The following HIP1 variants were observed in gnomAD, a reference collection of about 807,000 sequenced individuals.
HIP1 encodes the protein huntingtin interacting protein 1, also known as huntingtin-interacting protein 1.
HIP1 carries 65 observed loss-of-function variants against 147.6 expected under a neutral mutation model. The ratio of observed to expected loss-of-function variants is 0.44; its 90% CI spans 0.36 to 0.54. The LOEUF (loss-of-function observed/expected upper bound fraction) is 0.54, where lower values mean the gene tolerates loss of function less well. Ranked by LOEUF, HIP1 falls within the 20% of genes least tolerant of loss-of-function variation. The probability of loss-of-function intolerance (pLI) is 0.00; values close to 1 mark genes in which losing one functional copy is unlikely to be tolerated. For missense variants in HIP1, 1,061 were observed against 1,299.6 expected, an observed-to-expected ratio of 0.82 and a Z score of 2.82; for synonymous variants, 479 against 504.0, an observed-to-expected ratio of 0.95 and a Z score of 0.67.
At position 75,555,751 on chromosome 7, in the gene HIP1, G is replaced by T. The variant is rs587737259; in HGVS notation, c.1828-200C>A. On this transcript the variant is annotated intron_variant, in intron 18 of 30. Coordinates refer to ENST00000336926, the MANE Select transcript of HIP1 (RefSeq NM_005338.7). Reference sequence around the variant, plus strand: ...CCACGATGTGCGGCTGCCCACAGAGGCTGTGGGGATGGATCACTGCGCCCG... The same window carrying T: ...CCACGATGTGCGGCTGCCCACAGAGTCTGTGGGGATGGATCACTGCGCCCG... Among the ~76,000 whole-genome samples the T allele has an allele frequency of 4.6e-5, 7 of 151,794 alleles. No individual in the cohort carries two copies. In the South Asian group the frequency reaches 1.4e-3, roughly 31 times the overall value.
chr7:75,576,273 A>G (rs1341410704), intron 7 of HIP1, among the ~76,000 whole-genome samples: 1 of 152,190 alleles, frequency 6.6e-6, no homozygotes, highest in Non-Finnish European at 1.5e-5. Flanking sequence ...GGAATTGTGC[A>G]GTGGTTCTTG....
intron 2 of HIP1, among the ~76,000 whole-genome samples, chr7:75,598,527 C>T (rs1796846112): frequency 2.6e-5 from 4 of 151,438 alleles, no homozygotes; most frequent in Admixed American, 2.6e-4. Context: ...AAGAAAGGAC[C>T]TGGAGGGCTT....
intron 5 of HIP1, among the ~76,000 whole-genome samples, chr7:75,584,093 T>C (rs1160593219): frequency 2.6e-5 from 4 of 151,724 alleles, no homozygotes; most frequent in African/African-American, 9.7e-5. Flanking sequence ...CCTGAGTAGC[T>C]GGGATTAACA....
At chr7:75,605,134 G>A (rs370710887) in intron 1 of HIP1, among the ~76,000 whole-genome samples, 1 of 152,120 alleles carries the variant, frequency 6.6e-6, no homozygotes, top group South Asian at 2.1e-4. Context: ...TAGGAACTCT[G>A]GGGTCTGGAG....
chr7:75,558,019 A>C (rs1795082714), intron 15 of HIP1, 148 bp downstream of exon 15: 11 of 686,184 alleles, frequency 1.6e-5, no homozygotes, highest in Non-Finnish European at 2.8e-5. Context: ...GAGGCAAGGA[A>C]GCCTGAAAAG....
At chr7:75,610,203 CTTTTT>C (rs35158879) in intron 1 of HIP1, among the ~76,000 whole-genome samples, 1 of 133,042 alleles carries the variant, frequency 7.5e-6, no homozygotes, top group African/African-American at 2.8e-5. Context: ...TCATCCAGCC[CTTTTT>C]TTTTTTTTTT....
chr7:75,555,693 C>T, intron 18 of HIP1, 142 bp from the exon 19 acceptor site: 2 of 910,198 alleles, frequency 2.2e-6, no homozygotes, highest in Non-Finnish European at 3.3e-6. Flanking sequence ...CAGAGAAAGG[C>T]GCTTTAACTG....
intron 22 of HIP1, among the ~76,000 whole-genome samples, chr7:75,550,927 T>C (rs1291729887): frequency 2.6e-5 from 4 of 152,122 alleles, no homozygotes; most frequent in Non-Finnish European, 2.9e-5. Flanking sequence ...TATATGATCA[T>C]AGGGGCAAAT....
At chr7:75,671,151 TGGAGCAATCTC>T (rs1258961660) in intron 1 of HIP1, among the ~76,000 whole-genome samples, 1 of 152,180 alleles carries the variant, frequency 6.6e-6, no homozygotes, top group Non-Finnish European at 1.5e-5. Context: ...TGGAGGGCAA[TGGAGCAATCTC>T]GGTTCACTGC....
At chr7:75,606,757 C>T (rs1345379045) in intron 1 of HIP1, among the ~76,000 whole-genome samples, 2 of 152,032 alleles carry the variant, frequency 1.3e-5, no homozygotes, top group African/African-American at 4.8e-5. Context: ...CTAGCGGTAA[C>T]GGTGGTGATA....
At chr7:75,626,534 G>T (rs782302090) in intron 1 of HIP1, 1 of 152,070 alleles carries the variant, frequency 6.6e-6, no homozygotes, top group African/African-American at 2.4e-5. Flanking sequence ...ACCACAACCC[G>T]GTATGGAAGG....
chr7:75,556,266 G>A (rs1372910752), intron 17 of HIP1, 97 bp from the exon 18 acceptor site: 82 of 1,409,134 alleles, frequency 5.8e-5, no homozygotes, highest in Admixed American at 4.8e-4. Context: ...GCAAGGACTG[G>A]GAAGGTGATG....
At chr7:75,662,857 T>C (rs1281113834) in intron 1 of HIP1, among the ~76,000 whole-genome samples, 4 of 152,056 alleles carry the variant, frequency 2.6e-5, no homozygotes, top group African/African-American at 7.2e-5. Context: ...GAATAATTAT[T>C]GAAGATATGA....
chr7:75,679,199 T>C (rs1799986052), intron 1 of HIP1, among the ~76,000 whole-genome samples: 1 of 152,136 alleles, frequency 6.6e-6, no homozygotes, highest in South Asian at 2.1e-4. Context: ...CAACAATACA[T>C]CTTGTTTGTT....
intron 1 of HIP1, among the ~76,000 whole-genome samples, chr7:75,703,109 G>A (rs1800885649): frequency 6.6e-6 from 1 of 152,236 alleles, no homozygotes; most frequent in African/African-American, 2.4e-5. Context: ...GAACACACTG[G>A]GAGGCCGAGG....
intron 1 of HIP1, among the ~76,000 whole-genome samples, chr7:75,623,596 C>T (rs797035450): frequency 8.5e-5 from 13 of 152,266 alleles, no homozygotes; most frequent in African/African-American, 3.1e-4. Flanking sequence ...GCTGAGAGCT[C>T]AGGATTTGAG....
At chr7:75,571,140 A>G (rs2099062592) in intron 8 of HIP1, among the ~76,000 whole-genome samples, 1 of 58,262 alleles carries the variant, frequency 1.7e-5, no homozygotes, top group African/African-American at 1.1e-4. Context: ...AGGCCTTTAA[A>G]CCCAAACACT....
At chr7:75,569,722 A>AG (rs1319118492) in intron 8 of HIP1, among the ~76,000 whole-genome samples, 2 of 152,216 alleles carry the variant, frequency 1.3e-5, no homozygotes, top group Admixed American at 1.3e-4. Flanking sequence ...TTAAATCAGG[A>AG]GAAAAACATC....
At chr7:75,664,150 GTATGTGTGTATATTTACATACATATA>G in intron 1 of HIP1, among the ~76,000 whole-genome samples, 1 of 38,984 alleles carries the variant, frequency 2.6e-5, no homozygotes, top group African/African-American at 1.8e-4. Flanking sequence ...ATACATACAT[GTATGTGTGTATATTTACATACATATA>G]TGTACATACA....
Sources: allele counts gnomAD v4.1 joint callset (sites outside exome capture counted in the v4.1 genomes callset), GRCh38; gene constraint gnomAD v4.1.1; transcripts MANE v1.5; gene names NCBI Gene and HGNC (gene_info 2026-07-23, HGNC 2026-07-21).